EFCAB5: variants seen among roughly 807,000 people sequenced by gnomAD.
EFCAB5 encodes the protein EF-hand calcium-binding domain-containing protein 5.
A neutral mutation model predicts 167.9 loss-of-function variants in EFCAB5; 131 were observed. The ratio of observed to expected loss-of-function variants is 0.78; its 90% CI spans 0.68 to 0.90. The LOEUF (loss-of-function observed/expected upper bound fraction) is 0.90. Among genes scored for constraint, EFCAB5 ranks in the 40% least tolerant of loss-of-function variants. The probability of loss-of-function intolerance (pLI) is 0.00; values close to 1 mark genes in which losing one functional copy is unlikely to be tolerated. For missense variants in EFCAB5, 1,663 were observed against 1,745.2 expected, an observed-to-expected ratio of 0.95 and a Z score of 0.84; for synonymous variants, 574 against 602.8, an observed-to-expected ratio of 0.95 and a Z score of 0.70.
chr17:30,066,258 T>C (rs963699678), intron 14 of EFCAB5, among the ~76,000 whole-genome samples: 2 of 152,304 alleles, frequency 1.3e-5, no homozygotes, highest in African/African-American at 2.4e-5. Flanking sequence ...TCAAATATCT[T>C]TTCTGACCTC....
chr17:30,034,315 G>A lies in EFCAB5; in HGVS notation c.1130G>A (p.Arg377Gln), dbSNP rs201126341. Reference sequence around the variant, plus strand: ...CTTTGCCACTCTGCAGATGAATTTCGGGAGGTCATAAAAGCTGACATGCGG... The same window carrying A: ...CTTTGCCACTCTGCAGATGAATTTCAGGAGGTCATAAAAGCTGACATGCGG... ...KHLCHSADEF[R>Q]EVIKADMRRQ... Residue 377 changes from arginine (R) to glutamine (Q), a missense_variant, in exon 8 of 23, where the codon CGG becomes CAG. Physicochemically the swap from Arg to Gln is conservative, Grantham distance 43. Transcript: ENST00000394835. 44 of 1,613,736 alleles carry A rather than the reference G, an allele frequency of 2.7e-5. No individual in the cohort carries two copies. The highest frequency in any genetic ancestry group is 8.3e-5 in the Admixed American group (5 of 59,990).
intron 22 of EFCAB5, among the ~76,000 whole-genome samples, chr17:30,107,189 TA>T (rs1195873744): frequency 6.6e-6 from 1 of 152,238 alleles, no homozygotes; most frequent in Non-Finnish European, 1.5e-5. Flanking sequence ...GTTTTCAATT[TA>T]AAAAACTTAA....
At chr17:29,930,435 C>G (rs1390590802) in intron 1 of EFCAB5, among the ~76,000 whole-genome samples, 1 of 150,820 alleles carries the variant, frequency 6.6e-6, no homozygotes, top group Non-Finnish European at 1.5e-5. Context: ...GGGAAGGGGC[C>G]GAAGGGAGCC....
chr17:29,937,583 T>C (rs985008826), upstream of EFCAB5, among the ~76,000 whole-genome samples: 2 of 152,190 alleles, frequency 1.3e-5, no homozygotes, highest in Non-Finnish European at 2.9e-5. Flanking sequence ...TTTACTGTCC[T>C]GGTGTGTTTG....
At chr17:30,073,683 T>C (rs754654301) in intron 14 of EFCAB5, 2 of 714,800 alleles carry the variant, frequency 2.8e-6, no homozygotes, top group Middle Eastern at 2.3e-4. Context: ...GAGACCAAAT[T>C]TCCATAAAAT....
At chr17:30,009,916 C>G (rs2068857902) in intron 7 of EFCAB5, among the ~76,000 whole-genome samples, 6 of 151,996 alleles carry the variant, frequency 3.9e-5, no homozygotes, top group Admixed American at 2.6e-4. Flanking sequence ...CACCCATTAA[C>G]TCGTCATTTG....
intron 18 of EFCAB5, among the ~76,000 whole-genome samples, chr17:30,084,293 C>T (rs1282744221): frequency 6.6e-6 from 1 of 152,186 alleles, no homozygotes; most frequent in African/African-American, 2.4e-5. Context: ...GCAGAGCACC[C>T]TGTTTGAAGG....
Position 30,087,296 on chromosome 17 carries a change from T to A in EFCAB5, c.3683+130T>A, listed in dbSNP as rs183489135. ...TTATTCTTTCTTTTTAATTTAATTT[T>A]ATTTTATTTTAAGTTCTGTGATACA... On this transcript the variant is annotated intron_variant, in intron 19 of 22. Coordinates refer to ENST00000394835, the MANE Select transcript of EFCAB5 (RefSeq NM_198529.4). 156 of 669,802 alleles carry A rather than the reference T, an allele frequency of 2.3e-4. No individual in the cohort carries two copies. In the Middle Eastern group the frequency reaches 4.4e-3, roughly 19 times the overall value. The allele number at this position is 669,802 out of a possible 1,614,324, so 41.5% of individuals were successfully genotyped here. A position where few individuals can be genotyped will look rare whatever the true frequency, so the allele number is the denominator to read the frequency against.
chr17:30,067,504 CTG>C lies in EFCAB5; in HGVS notation c.2737+7804_2737+7805del, dbSNP rs748789127. Among the ~76,000 whole-genome samples the C allele has an allele frequency of 4.6e-5, 7 of 152,018 alleles. No individual in the cohort carries two copies. In the East Asian group the frequency reaches 1.2e-3, roughly 25 times the overall value. ...ATAAAAGATCATTCACCCTGATCAA[CTG>C]AGATTTATCCCAATAATGCAAAGAT... is the stretch of plus-strand genomic sequence containing the variant. On this transcript the variant is annotated intron_variant, in intron 14 of 22. Transcript: ENST00000394835.
chr17:30,069,324 A>C, intron 14 of EFCAB5: 1 of 1,544,366 alleles, frequency 6.5e-7, no homozygotes, highest in Non-Finnish European at 8.9e-7. Context: ...GAAGAAATAC[A>C]AATGTTTGAA....
chr17:29,979,130 T>A (rs1338427256), intron 4 of EFCAB5, among the ~76,000 whole-genome samples: 1 of 152,002 alleles, frequency 6.6e-6, no homozygotes. Context: ...GGTGGGTGGA[T>A]CACGAGGTCA....
chr17:30,057,629 G>GA, intron 12 of EFCAB5, 47 bp from the exon 13 acceptor site: 1 of 1,540,784 alleles, frequency 6.5e-7, no homozygotes, highest in Non-Finnish European at 8.9e-7. Context: ...TTCCCTAACT[G>GA]AAAAAATTGT....
chr17:29,994,027 C>T (rs1011516824), intron 5 of EFCAB5, among the ~76,000 whole-genome samples: 1 of 150,106 alleles, frequency 6.7e-6, no homozygotes, highest in African/African-American at 2.5e-5. Flanking sequence ...TTGCTTGAGT[C>T]CAGGAGGTCG....
chr17:30,105,232 AC>A (rs1368284369), intron 22 of EFCAB5, among the ~76,000 whole-genome samples: 1 of 152,196 alleles, frequency 6.6e-6, no homozygotes, highest in East Asian at 1.9e-4. Context: ...GCGGTTGCTC[AC>A]GCCTGTAATC....
intron 22 of EFCAB5, among the ~76,000 whole-genome samples, chr17:30,098,985 T>C (rs538624072): frequency 6.6e-6 from 1 of 152,350 alleles, no homozygotes; most frequent in East Asian, 1.9e-4. Flanking sequence ...TATCAGTACT[T>C]CATTTTTGCG....
At position 30,053,912 on chromosome 17, in the gene EFCAB5, A is replaced by G. The variant is rs1214018186; in HGVS notation, c.1958A>G (p.Gln653Arg). 2 of 1,614,030 alleles carry G rather than the reference A, an allele frequency of 1.2e-6. No individual in the cohort carries two copies. Among genetic ancestry groups the G allele is most frequent in the South Asian group, 2.2e-5 (2 of 91,086 alleles). The change falls in exon 10 of 23, where the codon CAA becomes CGA. Residue 653 changes from glutamine to arginine, a missense_variant. Gln to Arg is a conservative substitution (Grantham distance 43). Transcript: ENST00000394835. ...VIEEPYQKSE[Q>R]GPYGEIISEE... ...GAAGAACCATACCAAAAATCAGAAC[A>G]AGGACCTTATGGAGAGATAATTTCA... is the stretch of plus-strand genomic sequence containing the variant.
At chr17:30,024,793 G>A (rs1346107797) in intron 7 of EFCAB5, among the ~76,000 whole-genome samples, 1 of 152,108 alleles carries the variant, frequency 6.6e-6, no homozygotes, top group Non-Finnish European at 1.5e-5. Context: ...ATACTACAAG[G>A]CTACAGTAAG....
rs71138868 is a variant in EFCAB5, at chr17:30,026,961, C to CTT, written c.1045-7227_1045-7226dup. ...ATGATTTCCTTGTACCTCCTTGTACCTTTTTTTTTTTTTTTTTTTTTTTTT... is the reference window on the plus strand; with the variant it reads ...ATGATTTCCTTGTACCTCCTTGTACCTTTTTTTTTTTTTTTTTTTTTTTTTTT... On this transcript the variant is annotated intron_variant, in intron 7 of 22. Coordinates refer to ENST00000394835, the MANE Select transcript of EFCAB5 (RefSeq NM_198529.4). Among the ~76,000 whole-genome samples, 18 of 64,548 alleles carry CTT rather than the reference C, an allele frequency of 2.8e-4. 5 individuals are homozygous for CTT. The highest frequency in any genetic ancestry group is 4.1e-4 in the Non-Finnish European group (14 of 34,522). The allele number at this position is 64,548 out of a possible 152,430, so 42.3% of individuals were successfully genotyped here.
At chr17:30,015,421 A>T (rs1180659367) in intron 7 of EFCAB5, among the ~76,000 whole-genome samples, 2 of 152,184 alleles carry the variant, frequency 1.3e-5, no homozygotes, top group African/African-American at 4.8e-5. Flanking sequence ...TCTCCCCGTC[A>T]CTTTCAGGTA....
Sources: gnomAD v4.1 joint callset for allele counts (sites outside exome capture counted in the v4.1 genomes callset) on GRCh38, gnomAD v4.1.1 for gene constraint, MANE v1.5 for transcripts, NCBI Gene and HGNC (gene_info 2026-07-23, HGNC 2026-07-21) for gene names.